Variants in MDFIC2 observed in about 807,000 individuals in gnomAD.
The protein encoded by MDFIC2 is myoD family inhibitor domain-containing protein 2.
chr3:70,219,942 G>A (rs1701447561), intron 2 of MDFIC2, among the ~76,000 whole-genome samples: 1 of 152,108 alleles, frequency 6.6e-6, no homozygotes, highest in Non-Finnish European at 1.5e-5. Flanking sequence ...TATTTCCTGA[G>A]CAGAAACAAT....
At chr3:70,263,287 T>TA (rs143296783) in intron 2 of MDFIC2, among the ~76,000 whole-genome samples, 3,519 of 152,234 alleles carry the variant, frequency 0.023, 119 homozygotes, top group African/African-American at 0.071. Flanking sequence ...TGCTGGTTTT[T>TA]AAAAAAATAT....
chr3:70,287,684 G>A (rs57485506), intron 2 of MDFIC2, among the ~76,000 whole-genome samples: 31,143 of 151,690 alleles, frequency 0.21, 3,352 homozygotes, highest in South Asian at 0.28. Context: ...AATCCGTCTG[G>A]TCCTGGACTC....
chr3:70,255,696 T>C (rs1701809325), intron 2 of MDFIC2, among the ~76,000 whole-genome samples: 1 of 152,074 alleles, frequency 6.6e-6, no homozygotes, highest in South Asian at 2.1e-4. Flanking sequence ...TGGGCTCAAG[T>C]ATTCCCTCAA....
chr3:70,292,703 A>G (rs1452813648), intron 2 of MDFIC2, among the ~76,000 whole-genome samples: 1 of 152,040 alleles, frequency 6.6e-6, no homozygotes, highest in Non-Finnish European at 1.5e-5. Context: ...TTTGATGTAC[A>G]CATACTTAAA....
chr3:70,201,870 C>T (rs993550790), intron 3 of MDFIC2, among the ~76,000 whole-genome samples: 1 of 152,146 alleles, frequency 6.6e-6, no homozygotes, highest in African/African-American at 2.4e-5. Context: ...CTAGATTCAG[C>T]CAGTAGAAGG....
intron 2 of MDFIC2, among the ~76,000 whole-genome samples, chr3:70,255,762 G>T (rs966719925): frequency 3.9e-5 from 6 of 152,138 alleles, no homozygotes; most frequent in African/African-American, 1.4e-4. Flanking sequence ...CAGCCAGGGG[G>T]CTATTTTTCA....
chr3:70,294,614 A>AGCT (rs921639770), intron 2 of MDFIC2, among the ~76,000 whole-genome samples: 2 of 152,180 alleles, frequency 1.3e-5, no homozygotes, highest in African/African-American at 4.8e-5. Flanking sequence ...GCATGCTTTC[A>AGCT]GCTGCAAATA....
chr3:70,209,810 C>CAA (rs1701325596), intron 2 of MDFIC2, among the ~76,000 whole-genome samples: 1 of 152,106 alleles, frequency 6.6e-6, no homozygotes, highest in Admixed American at 6.6e-5. Flanking sequence ...TCGAGCCTTG[C>CAA]AAATAGCTGG....
rs981933137 is a variant in MDFIC2, at chr3:70,290,677, T to A, written c.88+21209A>T. On this transcript the variant is annotated intron_variant, in intron 2 of 3. Transcript: ENST00000567252. ...CCCTAGCCTCGCTGCCGCCTTGCAG[T>A]TTGATCTCAGACTGCTGTGCTAGCA... is the stretch of plus-strand genomic sequence containing the variant. Among the ~76,000 whole-genome samples, 4 of 152,264 alleles carry A rather than the reference T, an allele frequency of 2.6e-5. No homozygotes were observed. In the East Asian group the frequency reaches 5.8e-4, roughly 22 times the overall value.
At chr3:70,235,085 CT>C (rs1559541439) in intron 2 of MDFIC2, among the ~76,000 whole-genome samples, 1 of 152,144 alleles carries the variant, frequency 6.6e-6, no homozygotes, top group African/African-American at 2.4e-5. Flanking sequence ...GCAGAATGTC[CT>C]TGTTCCTTTA....
At chr3:70,290,256 G>C (rs1459244427) in intron 2 of MDFIC2, among the ~76,000 whole-genome samples, 1 of 152,192 alleles carries the variant, frequency 6.6e-6, no homozygotes, top group Non-Finnish European at 1.5e-5. Context: ...TGTCCTTTCT[G>C]TTTGTTAGTT....
intron 2 of MDFIC2, among the ~76,000 whole-genome samples, chr3:70,241,995 AC>A (rs1395063850): frequency 6.6e-6 from 1 of 152,198 alleles, no homozygotes; most frequent in Non-Finnish European, 1.5e-5. Flanking sequence ...AGTAGGTGGC[AC>A]CAACACAGTT....
At chr3:70,311,837 A>C in intron 2 of MDFIC2, 49 bp downstream of exon 2, 2 of 396,958 alleles carry the variant, frequency 5.0e-6, no homozygotes, top group East Asian at 7.2e-5. Flanking sequence ...GCTTATAAAC[A>C]AAAGCAAAAT....
rs373822964 is a variant in MDFIC2, at chr3:70,196,734, G to A, written c.*192C>T. 2.0e-5 allele frequency among the ~76,000 whole-genome samples: 3 copies of A among 152,244 alleles called. No homozygotes were observed. Among genetic ancestry groups the A allele is most frequent in the Non-Finnish European group, 2.9e-5 (2 of 68,016 alleles). ...AATCTTATTTTTCAGTGAGCCATGC[G>A]GTTGTGAAATTTGGAATAAGACCAT... On this transcript the variant is annotated 3_prime_UTR_variant, in exon 4 of 4. Transcript: ENST00000567252.
chr3:70,236,214 A>G (rs1701607519), intron 2 of MDFIC2, among the ~76,000 whole-genome samples: 1 of 152,126 alleles, frequency 6.6e-6, no homozygotes, highest in Non-Finnish European at 1.5e-5. Flanking sequence ...GCCCCTTGTG[A>G]TCTACAGATC....
At chr3:70,252,318 G>A (rs1375501849) in intron 2 of MDFIC2, among the ~76,000 whole-genome samples, 2 of 152,116 alleles carry the variant, frequency 1.3e-5, no homozygotes, top group African/African-American at 2.4e-5. Flanking sequence ...ATGGTGTGGC[G>A]TACAATTCTC....
At chr3:70,251,087 G>A (rs535925518) in intron 2 of MDFIC2, among the ~76,000 whole-genome samples, 2 of 152,218 alleles carry the variant, frequency 1.3e-5, no homozygotes, top group East Asian at 1.9e-4. Flanking sequence ...AACCAAACTC[G>A]TAATACCCAG....
chr3:70,299,323 T>C (rs1041705141), intron 2 of MDFIC2, among the ~76,000 whole-genome samples: 8 of 95,806 alleles, frequency 8.4e-5, no homozygotes, highest in African/African-American at 3.5e-4. Flanking sequence ...ATTTGTGCGT[T>C]ATTTGTATAC....
chr3:70,198,590 T>C (rs1225086831), intron 3 of MDFIC2, among the ~76,000 whole-genome samples: 2 of 152,110 alleles, frequency 1.3e-5, no homozygotes, highest in African/African-American at 2.4e-5. Context: ...CTTTCCTCTT[T>C]TTCTCTCCAT....
Sources: allele counts gnomAD v4.1 joint callset (sites outside exome capture counted in the v4.1 genomes callset), GRCh38; gene constraint gnomAD v4.1.1; transcripts MANE v1.5; gene names NCBI Gene and HGNC (gene_info 2026-07-23, HGNC 2026-07-21).